The following NUDT13 variants were observed in gnomAD, a reference collection of about 807,000 sequenced individuals.
NUDT13 encodes nudix hydrolase 13, also known as NAD(P)H pyrophosphatase NUDT13, mitochondrial.
Under a neutral mutation model 41.7 loss-of-function variants are expected in NUDT13, and 40 were observed. That is an observed-to-expected ratio of 0.96 (90% confidence interval 0.75 to 1.25). The LOEUF (loss-of-function observed/expected upper bound fraction) is 1.25. Ranked by LOEUF, NUDT13 falls within the 50% of genes most tolerant of loss-of-function variation. The probability of loss-of-function intolerance (pLI) is 0.00; values close to 1 mark genes in which losing one functional copy is unlikely to be tolerated. For missense variants in NUDT13, 390 were observed against 416.1 expected (o/e 0.94, Z 0.55); for synonymous variants, 145 against 155.5 (o/e 0.93, Z 0.50).
At chr10:73,114,259 T>A (rs1842442569) in intron 1 of NUDT13, 98 bp from the exon 2 acceptor site, 1 of 470,316 alleles carries the variant, frequency 2.1e-6, no homozygotes. Context: ...TATTACAGAG[T>A]GATCCCATTC....
chr10:73,130,746 GTC>G lies in NUDT13; in HGVS notation c.903_904del (p.Ser301ArgfsTer2), dbSNP rs1242565508. 2 of 1,613,950 alleles carry G rather than the reference GTC, an allele frequency of 1.2e-6. No individual in the cohort carries two copies. Among genetic ancestry groups the G allele is most frequent in the South Asian group, 2.2e-5 (2 of 91,058 alleles). ...GAATTAGAGACAGCTGCCTGGTTCAGTCATGATGAGGTAGCCACAGCCCTGAA... is the reference window on the plus strand; with the variant it reads ...GAATTAGAGACAGCTGCCTGGTTCAGATGATGAGGTAGCCACAGCCCTGAA... On this transcript the variant is annotated frameshift_variant, in exon 9 of 9. Transcript: ENST00000357321. LOFTEE classifies it high-confidence loss of function.
intron 4 of NUDT13, among the ~76,000 whole-genome samples, chr10:73,122,594 G>A (rs1842672501): frequency 6.6e-6 from 1 of 151,822 alleles, no homozygotes; most frequent in South Asian, 2.1e-4. Context: ...ATTTTATTGA[G>A]ACAATGTCTT....
chr10:73,124,456 G>A, intron 5 of NUDT13, 136 bp downstream of exon 5: 1 of 630,486 alleles, frequency 1.6e-6, no homozygotes, highest in Non-Finnish European at 2.8e-6. Context: ...AACACTGGCA[G>A]GACAATGTGC....
At chr10:73,116,816 A>G (rs1248034233) in intron 2 of NUDT13, among the ~76,000 whole-genome samples, 1 of 150,418 alleles carries the variant, frequency 6.6e-6, no homozygotes, top group East Asian at 2.0e-4. Context: ...AAATTGTGAT[A>G]CTTGTTTCAG....
intron 3 of NUDT13, among the ~76,000 whole-genome samples, chr10:73,120,479 A>T (rs1225469784): frequency 6.6e-6 from 1 of 152,310 alleles, no homozygotes; most frequent in East Asian, 1.9e-4. Context: ...ATTCATTGAC[A>T]TATTGTCTAT....
rs56807003 is a variant in NUDT13 at position 73,116,001 on chromosome 10, A to AT, written c.83+1562dup. On this transcript the variant is annotated intron_variant, in intron 2 of 8. Transcript: ENST00000357321. ...TCTAGAACCCTTAACCTAAGAAATA[A>AT]TTTTTTTTTCTTTTTTTTCTTTTTG... Among the ~76,000 whole-genome samples the AT allele has an allele frequency of 1.8e-4, 27 of 151,096 alleles. No homozygotes were observed. In the South Asian group the frequency reaches 3.1e-3, roughly 18 times the overall value.
At chr10:73,118,120 T>C (rs371215633) in intron 2 of NUDT13, among the ~76,000 whole-genome samples, 96 of 152,336 alleles carry the variant, frequency 6.3e-4, no homozygotes, top group Middle Eastern at 6.8e-3. Context: ...GTTTGTTCTA[T>C]TGTTTATATT....
At chr10:73,121,496 C>T (rs965005268) in intron 3 of NUDT13, among the ~76,000 whole-genome samples, 5 of 151,964 alleles carry the variant, frequency 3.3e-5, no homozygotes, top group Admixed American at 2.6e-4. Flanking sequence ...AATATGAGTC[C>T]TTCATGAACA....
chr10:73,126,913 T>A, intron 8 of NUDT13, 86 bp downstream of exon 8: 1 of 1,133,620 alleles, frequency 8.8e-7, no homozygotes, highest in Non-Finnish European at 1.3e-6. Context: ...AGCACTTGTC[T>A]AGTCCAGCAT....
chr10:73,111,200 G>C (rs1417597369), intron 1 of NUDT13, among the ~76,000 whole-genome samples: 1 of 151,974 alleles, frequency 6.6e-6, no homozygotes, highest in Non-Finnish European at 1.5e-5. Context: ...GGATGGTCTC[G>C]ATCTCCTGAC....
At chr10:73,115,413 A>G (rs1056388815) in intron 2 of NUDT13, among the ~76,000 whole-genome samples, 2 of 152,064 alleles carry the variant, frequency 1.3e-5, no homozygotes, top group South Asian at 2.1e-4. Context: ...AGCTCTGGCA[A>G]TCCACCTGCC....
In NUDT13 at chr10:73,131,024, G is replaced by T; in HGVS notation, c.*121G>T. On this transcript the variant is annotated 3_prime_UTR_variant, in exon 9 of 9. Coordinates refer to ENST00000357321, the MANE Select transcript of NUDT13 (RefSeq NM_015901.6). ...AGGACCTCAGAAGGGCAGAGCAAAGGGTGAGCCTACAGTAAGACACTTCTA... is the reference window on the plus strand; with the variant it reads ...AGGACCTCAGAAGGGCAGAGCAAAGTGTGAGCCTACAGTAAGACACTTCTA... 1.3e-6 allele frequency: 1 copy of T among 762,900 alleles called. No individual in the cohort carries two copies. Among genetic ancestry groups the T allele is most frequent in the South Asian group, 1.6e-5 (1 of 62,134 alleles). 47.3% of individuals were successfully genotyped at this position (762,900 alleles called of 1,614,324 possible).
intron 2 of NUDT13, among the ~76,000 whole-genome samples, chr10:73,116,084 T>C (rs1413567330): frequency 1.3e-5 from 2 of 152,086 alleles, no homozygotes; most frequent in Non-Finnish European, 2.9e-5. Context: ...CATAGCTCAC[T>C]GCAGCCTCAA....
chr10:73,124,459 C>G, intron 5 of NUDT13, 139 bp downstream of exon 5: 2 of 626,650 alleles, frequency 3.2e-6, no homozygotes, highest in Non-Finnish European at 5.7e-6. Flanking sequence ...ACTGGCAGGA[C>G]AATGTGCTGT....
Position 73,131,788 on chromosome 10 carries a change from A to G in NUDT13, c.*885A>G, listed in dbSNP as rs1431182044. Reference sequence around the variant, plus strand: ...TTCATATATGATGCCATAAGGGAGAAGAGTTTATTTGGGGAAAATAAAAGA... The same window carrying G: ...TTCATATATGATGCCATAAGGGAGAGGAGTTTATTTGGGGAAAATAAAAGA... On this transcript the variant is annotated 3_prime_UTR_variant, in exon 9 of 9. Transcript: ENST00000357321. 1.3e-5 allele frequency: 2 copies of G among 152,244 alleles called. No homozygotes were observed. Among genetic ancestry groups the G allele is most frequent in the Non-Finnish European group, 2.9e-5 (2 of 68,046 alleles). 9.4% of individuals were successfully genotyped at this position (152,244 alleles called of 1,614,324 possible).
intron 1 of NUDT13, among the ~76,000 whole-genome samples, chr10:73,113,148 A>G: frequency 6.6e-6 from 1 of 152,160 alleles, no homozygotes; most frequent in East Asian, 1.9e-4. Context: ...CGGCCTCCCA[A>G]AGTGCTGGGA....
At chr10:73,113,690 G>A (rs575968253) in intron 1 of NUDT13, among the ~76,000 whole-genome samples, 12 of 152,302 alleles carry the variant, frequency 7.9e-5, no homozygotes, top group African/African-American at 2.6e-4. Context: ...CCCATGGCTA[G>A]GACATAGATT....
chr10:73,126,925 A>T, intron 8 of NUDT13, 98 bp downstream of exon 8: 1 of 1,040,808 alleles, frequency 9.6e-7, no homozygotes, highest in Non-Finnish European at 1.5e-6. Flanking sequence ...GTCCAGCATC[A>T]TCTAGATTAC....
At chr10:73,124,429 T>TTATA in intron 5 of NUDT13, 109 bp downstream of exon 5, 1 of 711,376 alleles carries the variant, frequency 1.4e-6, no homozygotes, top group Non-Finnish European at 2.4e-6. Context: ...CTTTTGCAGA[T>TTATA]TATAGTCCTT....
Sources: gnomAD v4.1 joint callset for allele counts (sites outside exome capture counted in the v4.1 genomes callset) on GRCh38, gnomAD v4.1.1 for gene constraint, MANE v1.5 for transcripts, NCBI Gene and HGNC (gene_info 2026-07-23, HGNC 2026-07-21) for gene names.